The following PTPRT variants were observed in gnomAD, a reference collection of about 807,000 sequenced individuals.
PTPRT encodes the protein protein tyrosine phosphatase receptor type T, also known as receptor-type tyrosine-protein phosphatase T.
In PTPRT, 56 loss-of-function variants were observed where a neutral mutation model predicts 176.8. The ratio of observed to expected loss-of-function variants is 0.32; its 90% CI spans 0.26 to 0.40. PTPRT has a LOEUF of 0.40. PTPRT is among the 10% of genes least tolerant of loss of function. The probability of loss-of-function intolerance (pLI) is 1.00; values close to 1 mark genes in which losing one functional copy is unlikely to be tolerated. For missense variants in PTPRT, 1,540 were observed against 1,908.2 expected, an observed-to-expected ratio of 0.81 and a Z score of 3.60; for synonymous variants, 783 against 739.0, an observed-to-expected ratio of 1.06 and a Z score of -0.96.
In PTPRT at chr20:42,639,464, C is replaced by T. The variant is rs549058356; in HGVS notation, c.1153+38402G>A. ...GCAGCCTCTGTTCTGGCCCTGAATC[C>T]GCTCTCTCCGCAATTCCCAGAGCAT... On this transcript the variant is annotated intron_variant, in intron 7 of 30. Transcript: ENST00000373187. 3.0e-4 allele frequency among the ~76,000 whole-genome samples: 45 copies of T among 152,214 alleles called. 1 individual carries two copies. Among genetic ancestry groups the T allele is most frequent in the Admixed American group, 2.9e-3 (44 of 15,290 alleles).
chr20:42,531,600 A>G (rs2072386080), intron 7 of PTPRT, among the ~76,000 whole-genome samples: 1 of 152,202 alleles, frequency 6.6e-6, no homozygotes, highest in Non-Finnish European at 1.5e-5. Flanking sequence ...TTTGGGGTAT[A>G]GCCAACCTTG....
At chr20:42,863,999 G>T (rs938891152) in intron 2 of PTPRT, among the ~76,000 whole-genome samples, 1 of 152,214 alleles carries the variant, frequency 6.6e-6, no homozygotes, top group African/African-American at 2.4e-5. Flanking sequence ...ACCTGGCCAG[G>T]ATGCTGTAGT....
chr20:42,554,788 A>G (rs541139723), intron 7 of PTPRT, among the ~76,000 whole-genome samples: 2 of 152,280 alleles, frequency 1.3e-5, no homozygotes, highest in East Asian at 3.9e-4. Context: ...TGTCAATGAA[A>G]AGAACAAAAT....
intron 1 of PTPRT, among the ~76,000 whole-genome samples, chr20:42,991,151 G>A (rs939983297): frequency 6.6e-6 from 1 of 152,136 alleles, no homozygotes; most frequent in South Asian, 2.1e-4. Flanking sequence ...TGACCAGGCT[G>A]AGTTAAGGGT....
At chr20:42,176,975 A>T (rs1285874501) in intron 16 of PTPRT, among the ~76,000 whole-genome samples, 2 of 152,366 alleles carry the variant, frequency 1.3e-5, no homozygotes, top group Admixed American at 1.3e-4. Flanking sequence ...AGACAACGGG[A>T]CATTAAGACA....
At chr20:42,974,488 CACAT>C (rs775326218) in intron 1 of PTPRT, among the ~76,000 whole-genome samples, 2 of 152,160 alleles carry the variant, frequency 1.3e-5, no homozygotes, top group Non-Finnish European at 2.9e-5. Context: ...CACACACACA[CACAT>C]AATCATACAA....
At chr20:42,529,274 G>A (rs917521415) in intron 7 of PTPRT, among the ~76,000 whole-genome samples, 18 of 152,124 alleles carry the variant, frequency 1.2e-4, no homozygotes, top group African/African-American at 4.3e-4. Context: ...GTAATAAAAG[G>A]TATCTGAGGT....
At chr20:42,950,196 G>A (rs929305487) in intron 1 of PTPRT, among the ~76,000 whole-genome samples, 5 of 152,202 alleles carry the variant, frequency 3.3e-5, no homozygotes, top group East Asian at 1.9e-4. Context: ...GTGCCCTGAC[G>A]GCACTTGGCT....
At chr20:42,865,229 G>A (rs2078726636) in intron 2 of PTPRT, among the ~76,000 whole-genome samples, 1 of 152,170 alleles carries the variant, frequency 6.6e-6, no homozygotes. Context: ...GCTCTTCCTT[G>A]TATAGGTTAA....
chr20:42,480,688 GT>G (rs2071370005), intron 7 of PTPRT, among the ~76,000 whole-genome samples: 1 of 152,142 alleles, frequency 6.6e-6, no homozygotes, highest in Non-Finnish European at 1.5e-5. Flanking sequence ...AATAGATACA[GT>G]ACAGCATTGA....
At chr20:42,783,082 AC>A (rs1480205644) in intron 3 of PTPRT, among the ~76,000 whole-genome samples, 1 of 152,240 alleles carries the variant, frequency 6.6e-6, no homozygotes, top group African/African-American at 2.4e-5. Flanking sequence ...ATACTAGGCT[AC>A]AATATAACTT....
Position 42,459,535 on chromosome 20 carries a change from G to T in PTPRT, c.1451-11206C>A, listed in dbSNP as rs181042464. On this transcript the variant is annotated intron_variant, in intron 8 of 30. Coordinates refer to ENST00000373187, the MANE Select transcript of PTPRT (RefSeq NM_007050.6). ...GAGCACAGTGGTTTGGACCTAAGGG[G>T]TAGTAGTAGAGGCTGTGAGAAATGG... Among the ~76,000 whole-genome samples, 264 of 152,316 alleles carry T rather than the reference G, an allele frequency of 1.7e-3. 1 individual carries two copies. Among genetic ancestry groups the T allele is most frequent in the Middle Eastern group, 0.01 (3 of 294 alleles).
chr20:42,605,136 A>G (rs1040469797), intron 7 of PTPRT, among the ~76,000 whole-genome samples: 2 of 152,220 alleles, frequency 1.3e-5, no homozygotes, highest in Admixed American at 6.5e-5. Context: ...ACAGGCCTCT[A>G]TGAATGCCTG....
intron 1 of PTPRT, among the ~76,000 whole-genome samples, chr20:43,167,286 C>T (rs2014881639): frequency 6.6e-6 from 1 of 152,210 alleles, no homozygotes; most frequent in Non-Finnish European, 1.5e-5. Flanking sequence ...CTCTTCAAGA[C>T]ACTTAATAAA....
chr20:42,696,842 C>A (rs1422909729), intron 6 of PTPRT, among the ~76,000 whole-genome samples: 3 of 152,142 alleles, frequency 2.0e-5, no homozygotes, highest in Admixed American at 2.0e-4. Flanking sequence ...GGCCCTGAGA[C>A]AACTGTAGCC....
At chr20:42,669,323 A>G (rs1451034528) in intron 7 of PTPRT, among the ~76,000 whole-genome samples, 1 of 152,028 alleles carries the variant, frequency 6.6e-6, no homozygotes. Flanking sequence ...CTCCTTCCCT[A>G]GATCCTCATG....
At chr20:42,713,433 A>G (rs1484906279) in intron 6 of PTPRT, among the ~76,000 whole-genome samples, 4 of 152,168 alleles carry the variant, frequency 2.6e-5, no homozygotes, top group Admixed American at 2.6e-4. Context: ...CCTGGAGCCC[A>G]CTACCCAAAG....
chr20:42,621,767 A>G (rs7360934), intron 7 of PTPRT, among the ~76,000 whole-genome samples: 31,483 of 152,118 alleles, frequency 0.21, 4,514 homozygotes, highest in African/African-American at 0.41. Context: ...TGACTCTCAA[A>G]TGTCTACTTC....
At chr20:42,281,572 T>A (rs1224828477) in intron 13 of PTPRT, among the ~76,000 whole-genome samples, 2 of 152,218 alleles carry the variant, frequency 1.3e-5, no homozygotes, top group Non-Finnish European at 2.9e-5. Flanking sequence ...TCGTTGTGCA[T>A]GTGTCTATAT....
Sources: allele counts gnomAD v4.1 joint callset (sites outside exome capture counted in the v4.1 genomes callset), GRCh38; gene constraint gnomAD v4.1.1; transcripts MANE v1.5; gene names NCBI Gene and HGNC (gene_info 2026-07-23, HGNC 2026-07-21).